Variants in ITFG1 observed in about 807,000 individuals in gnomAD.
The protein encoded by ITFG1 is T-cell immunomodulatory protein.
Under a neutral mutation model 81.8 loss-of-function variants are expected in ITFG1, and 34 were observed. The observed-to-expected ratio is 0.42, with a 90% CI of 0.32 to 0.55. ITFG1 has a LOEUF of 0.55. Among genes scored for constraint, ITFG1 ranks in the 20% least tolerant of loss-of-function variants. ITFG1 has a pLI of 0.17. For synonymous variants in ITFG1, 285 were observed against 270.6 expected (o/e 1.05, Z -0.52); for missense variants, 672 against 755.4 (o/e 0.89, Z 1.29).
intron 6 of ITFG1, among the ~76,000 whole-genome samples, chr16:47,382,886 G>T (rs542399950): frequency 2.0e-5 from 3 of 152,062 alleles, no homozygotes; most frequent in Non-Finnish European, 4.4e-5. Context: ...TTTTATCATA[G>T]GAATTTATTT....
chr16:47,365,921 T>A (rs1395718405), intron 7 of ITFG1, 52 bp from the exon 8 acceptor site: 1 of 973,816 alleles, frequency 1.0e-6, no homozygotes, highest in South Asian at 1.4e-5. Flanking sequence ...ACTCATTTGT[T>A]AAGTGTAAAA....
chr16:47,330,552 G>T (rs952821419), intron 8 of ITFG1, among the ~76,000 whole-genome samples: 1 of 151,944 alleles, frequency 6.6e-6, no homozygotes, highest in Non-Finnish European at 1.5e-5. Context: ...CTATAGAATG[G>T]GAGAAAATAT....
intron 10 of ITFG1, among the ~76,000 whole-genome samples, chr16:47,295,310 A>G (rs1966966214): frequency 6.6e-6 from 1 of 152,166 alleles, no homozygotes; most frequent in South Asian, 2.1e-4. Context: ...TATCAGGGTG[A>G]TAACAATTTC....
At chr16:47,392,103 A>T (rs1407697873) in intron 6 of ITFG1, among the ~76,000 whole-genome samples, 1 of 152,180 alleles carries the variant, frequency 6.6e-6, no homozygotes, top group African/African-American at 2.4e-5. Context: ...GCAAACTTAC[A>T]AAGTGATATT....
intron 13 of ITFG1, among the ~76,000 whole-genome samples, chr16:47,234,265 A>C (rs1423904471): frequency 3.3e-5 from 5 of 152,226 alleles, no homozygotes; most frequent in Non-Finnish European, 7.3e-5. Flanking sequence ...AAAGCAGACA[A>C]CATACAAGAA....
At chr16:47,457,435 A>G (rs1969468244) in intron 2 of ITFG1, among the ~76,000 whole-genome samples, 1 of 152,232 alleles carries the variant, frequency 6.6e-6, no homozygotes, top group Non-Finnish European at 1.5e-5. Flanking sequence ...TGATTTAATT[A>G]CACTGGGACA....
At chr16:47,318,273 T>C (rs955108829) in intron 8 of ITFG1, among the ~76,000 whole-genome samples, 1 of 152,238 alleles carries the variant, frequency 6.6e-6, no homozygotes, top group Non-Finnish European at 1.5e-5. Flanking sequence ...TCTGGCATCC[T>C]AAATTTCTGA....
At chr16:47,402,528 C>A (rs903578082) in intron 6 of ITFG1, among the ~76,000 whole-genome samples, 1 of 152,162 alleles carries the variant, frequency 6.6e-6, no homozygotes, top group African/African-American at 2.4e-5. Flanking sequence ...ACCATTGCTC[C>A]CCACAGCATC....
chr16:47,415,868 C>A (rs1354357055), intron 6 of ITFG1, among the ~76,000 whole-genome samples: 1 of 151,972 alleles, frequency 6.6e-6, no homozygotes, highest in African/African-American at 2.4e-5. Context: ...CTGAGGTGGG[C>A]GGATCACCTG....
At chr16:47,258,503 G>C (rs1596841459) in intron 12 of ITFG1, 129 bp downstream of exon 12, 2 of 577,268 alleles carry the variant, frequency 3.5e-6, no homozygotes, top group East Asian at 3.4e-5. Flanking sequence ...TATGTATATA[G>C]ACAGGATGGT....
At chr16:47,222,406 T>A (rs1173541429) in intron 13 of ITFG1, among the ~76,000 whole-genome samples, 1 of 148,714 alleles carries the variant, frequency 6.7e-6, no homozygotes, top group Non-Finnish European at 1.5e-5. Flanking sequence ...TTTGAGTGAG[T>A]TTCTTTCTTT....
intron 8 of ITFG1, among the ~76,000 whole-genome samples, chr16:47,326,798 C>G (rs1181851000): frequency 6.6e-6 from 1 of 152,122 alleles, no homozygotes; most frequent in Non-Finnish European, 1.5e-5. Flanking sequence ...AGGAGAACTA[C>G]AAACCACTGC....
intron 5 of ITFG1, among the ~76,000 whole-genome samples, chr16:47,433,770 AATAT>A (rs59030134): frequency 7.2e-5 from 9 of 124,496 alleles, no homozygotes; most frequent in Non-Finnish European, 9.9e-5. Flanking sequence ...ATAAAAACTG[AATAT>A]ATATATATAT....
intron 12 of ITFG1, among the ~76,000 whole-genome samples, chr16:47,243,475 A>T (rs978408418): frequency 1.3e-5 from 2 of 152,212 alleles, no homozygotes; most frequent in Non-Finnish European, 2.9e-5. Context: ...ATAAATCCCT[A>T]CAACTTTCAG....
In ITFG1 at chr16:47,420,174, A is replaced by G. The variant is rs1188416023; in HGVS notation, c.655+8630T>C. ...AAAGATCCTCTTGTCATTGATTTCT[A>G]GTTGTATTCCATTGTGGCATGAGAA... On this transcript the variant is annotated intron_variant, in intron 6 of 17. Transcript: ENST00000320640. 9.2e-5 allele frequency among the ~76,000 whole-genome samples: 14 copies of G among 152,258 alleles called. No homozygotes were observed. The South Asian group carries it at 2.9e-3, about 32-fold the overall frequency.
At chr16:47,169,192 T>C (rs1964928999) in intron 14 of ITFG1, among the ~76,000 whole-genome samples, 1 of 152,210 alleles carries the variant, frequency 6.6e-6, no homozygotes, top group Admixed American at 6.5e-5. Context: ...TTTTCAATAT[T>C]GTTTTGGCTT....
At chr16:47,292,301 C>T (rs754405660) in intron 10 of ITFG1, among the ~76,000 whole-genome samples, 5 of 152,290 alleles carry the variant, frequency 3.3e-5, no homozygotes, top group African/African-American at 4.8e-5. Context: ...CGTGAGCCAC[C>T]GTGCCCAGCC....
intron 1 of ITFG1, among the ~76,000 whole-genome samples, chr16:47,460,040 T>G (rs933409266): frequency 1.5e-4 from 23 of 152,180 alleles, no homozygotes; most frequent in Non-Finnish European, 2.5e-4. Context: ...TAATGCCCAC[T>G]GTCAGCATCA....
At chr16:47,353,859 A>G (rs944152548) in intron 8 of ITFG1, among the ~76,000 whole-genome samples, 1 of 152,158 alleles carries the variant, frequency 6.6e-6, no homozygotes. Context: ...TAACAAAACT[A>G]GAAAATTGAT....
Sources: allele counts gnomAD v4.1 joint callset (sites outside exome capture counted in the v4.1 genomes callset), GRCh38; gene constraint gnomAD v4.1.1; transcripts MANE v1.5; gene names NCBI Gene and HGNC (gene_info 2026-07-23, HGNC 2026-07-21).